Variants in CNTN4 observed in about 807,000 individuals in gnomAD.
CNTN4 encodes contactin 4, also known as contactin-4.
In CNTN4, 77 loss-of-function variants were observed where a neutral mutation model predicts 122.5. That is an observed-to-expected ratio of 0.63 (90% CI 0.52 to 0.76). CNTN4 has a LOEUF of 0.76. Ranked by LOEUF, CNTN4 falls within the 30% of genes least tolerant of loss-of-function variation. The pLI, the probability that CNTN4 is intolerant of heterozygous loss-of-function variation, is 0.00. For synonymous variants in CNTN4, 512 were observed against 447.0 expected (o/e 1.15, Z -1.83); for missense variants, 1,256 against 1,259.1 (o/e 1.00, Z 0.04).
At chr3:2,102,252 C>T (rs183859376) in intron 2 of CNTN4, among the ~76,000 whole-genome samples, 1 of 152,258 alleles carries the variant, frequency 6.6e-6, no homozygotes, top group Non-Finnish European at 1.5e-5. Context: ...GTTCATAAAC[C>T]TTGAAGCAGA....
chr3:2,476,933 T>C (rs1291960746), intron 3 of CNTN4, among the ~76,000 whole-genome samples: 1 of 152,306 alleles, frequency 6.6e-6, no homozygotes, highest in East Asian at 1.9e-4. Flanking sequence ...TAGGACCCTG[T>C]ATTTGAACTT....
chr3:2,372,902 G>A (rs2045683752), intron 3 of CNTN4, among the ~76,000 whole-genome samples: 1 of 152,074 alleles, frequency 6.6e-6, no homozygotes, highest in South Asian at 2.1e-4. Flanking sequence ...ACAAAAATTA[G>A]CCAGGCATGG....
chr3:2,460,817 C>A (rs1037916933), intron 3 of CNTN4, among the ~76,000 whole-genome samples: 2 of 152,096 alleles, frequency 1.3e-5, no homozygotes, highest in African/African-American at 4.8e-5. Context: ...ATTTGTTAGT[C>A]AATAAATATT....
intron 23 of CNTN4, among the ~76,000 whole-genome samples, chr3:3,051,319 C>T (rs9842717): frequency 0.012 from 1,794 of 152,260 alleles, 47 homozygotes; most frequent in African/African-American, 0.041. Flanking sequence ...TCAGCTCAAG[C>T]AAGTGTTTGG....
At position 2,427,550 on chromosome 3, in the gene CNTN4, T is replaced by G. The variant is rs549207309; in HGVS notation, c.-89+88317T>G. On this transcript the variant is annotated intron_variant, in intron 3 of 24. Coordinates refer to ENST00000418658, the MANE Select transcript of CNTN4 (RefSeq NM_175607.3). The stretch of plus-strand genomic sequence containing the variant: ...GTGCTGAGAAGAATGTATATTCTGT[T>G]GATTTGGGGTGGAGAGTTCTGTAGA... 2.0e-5 allele frequency among the ~76,000 whole-genome samples: 3 copies of G among 152,292 alleles called. No individual in the cohort carries two copies. In the South Asian group the frequency reaches 6.2e-4, roughly 32 times the overall value.
At chr3:2,743,818 G>A (rs1224919468) in intron 5 of CNTN4, among the ~76,000 whole-genome samples, 1 of 152,074 alleles carries the variant, frequency 6.6e-6, no homozygotes, top group Non-Finnish European at 1.5e-5. Context: ...TGTTGTTTTT[G>A]TTTTGAGATG....
At position 2,238,780 on chromosome 3, in the gene CNTN4, T is replaced by C. The variant is rs1178531; in HGVS notation, c.-144-100398T>C. The C allele has an allele frequency of 6.8e-5, 7 of 102,446 alleles. 2 individuals carry two copies. Among genetic ancestry groups the C allele is most frequent in the African/African-American group, 2.3e-4 (7 of 30,430 alleles). 6.3% of individuals were successfully genotyped at this position (102,446 alleles called of 1,614,324 possible). A position where few individuals can be genotyped will look rare whatever the true frequency, so the allele number is the denominator to read the frequency against. Reference sequence around the variant, plus strand: ...TCTGGCCCTGTCGCCCAGGCTGGAGTGCGGTGGCGCCATCTCGGCTCACTG... The same window carrying C: ...TCTGGCCCTGTCGCCCAGGCTGGAGCGCGGTGGCGCCATCTCGGCTCACTG... On this transcript the variant is annotated intron_variant, in intron 2 of 24. Transcript: ENST00000418658.
intron 4 of CNTN4, among the ~76,000 whole-genome samples, chr3:2,698,084 G>A (rs1192382841): frequency 2.6e-5 from 4 of 152,160 alleles, no homozygotes; most frequent in African/African-American, 7.2e-5. Flanking sequence ...AAATGAAAAC[G>A]CCGTGGCTAA....
chr3:2,310,421 T>C (rs185496727), intron 2 of CNTN4, among the ~76,000 whole-genome samples: 4 of 152,314 alleles, frequency 2.6e-5, no homozygotes, highest in African/African-American at 9.6e-5. Context: ...CTTTATTTTA[T>C]GTCACAATGC....
intron 4 of CNTN4, among the ~76,000 whole-genome samples, chr3:2,639,887 T>C (rs1201575471): frequency 6.6e-6 from 1 of 152,198 alleles, no homozygotes; most frequent in Non-Finnish European, 1.5e-5. Flanking sequence ...TTTTTTGTAA[T>C]AGCTTAAGGA....
chr3:2,102,393 G>C (rs1327791928), intron 2 of CNTN4, among the ~76,000 whole-genome samples: 1 of 152,176 alleles, frequency 6.6e-6, no homozygotes, highest in African/African-American at 2.4e-5. Flanking sequence ...ACGGCATCAC[G>C]ATAGGGATTA....
intron 3 of CNTN4, among the ~76,000 whole-genome samples, chr3:2,340,923 A>G (rs1413292478): frequency 6.6e-6 from 1 of 151,618 alleles, no homozygotes; most frequent in Admixed American, 6.6e-5. Flanking sequence ...CTGATCTGGA[A>G]CAGACTCTGC....
At chr3:2,124,472 A>ACACACC (rs761202551) in intron 2 of CNTN4, among the ~76,000 whole-genome samples, 10 of 128,128 alleles carry the variant, frequency 7.8e-5, no homozygotes, top group East Asian at 3.1e-4. Flanking sequence ...ACACACACAC[A>ACACACC]CCCCCTTAAG....
intron 2 of CNTN4, among the ~76,000 whole-genome samples, chr3:2,228,551 A>G (rs1453154939): frequency 1.3e-5 from 2 of 152,058 alleles, no homozygotes; most frequent in Admixed American, 6.5e-5. Flanking sequence ...ATCATCATCA[A>G]CAGTAATGAT....
chr3:2,971,015 G>A (rs1055252039), intron 13 of CNTN4, among the ~76,000 whole-genome samples: 3 of 152,166 alleles, frequency 2.0e-5, no homozygotes, highest in African/African-American at 7.2e-5. Context: ...TCAAACTCCT[G>A]ACCTCAGGTG....
intron 14 of CNTN4, among the ~76,000 whole-genome samples, chr3:2,993,546 C>T (rs769602772): frequency 3.3e-5 from 5 of 151,760 alleles, no homozygotes; most frequent in South Asian, 4.2e-4. Flanking sequence ...ATGATCTGCC[C>T]GCCTCGGCCT....
intron 2 of CNTN4, among the ~76,000 whole-genome samples, chr3:2,192,406 T>C (rs1289740610): frequency 6.6e-6 from 1 of 152,192 alleles, no homozygotes; most frequent in Non-Finnish European, 1.5e-5. Context: ...TTCCTGACTT[T>C]TTAATGATCT....
intron 3 of CNTN4, among the ~76,000 whole-genome samples, chr3:2,529,603 C>T (rs1300882544): frequency 1.3e-5 from 2 of 152,122 alleles, no homozygotes; most frequent in East Asian, 3.9e-4. Flanking sequence ...AATGACATAG[C>T]CTATCTGTCA....
intron 3 of CNTN4, among the ~76,000 whole-genome samples, chr3:2,354,477 G>T (rs9870916): frequency 0.09 from 13,734 of 152,212 alleles, 1,049 homozygotes; most frequent in African/African-American, 0.21. Flanking sequence ...GTTACCGTGA[G>T]CCCAGATCGC....
Sources: gnomAD v4.1 joint callset for allele counts (sites outside exome capture counted in the v4.1 genomes callset) on GRCh38, gnomAD v4.1.1 for gene constraint, MANE v1.5 for transcripts, NCBI Gene and HGNC (gene_info 2026-07-23, HGNC 2026-07-21) for gene names.